CNTNAP2: variants seen among roughly 807,000 people sequenced by gnomAD.
The protein encoded by CNTNAP2 is contactin-associated protein-like 2.
In CNTNAP2, 98 loss-of-function variants were observed where a neutral mutation model predicts 155.2. The observed-to-expected ratio is 0.63, with a 90% CI of 0.54 to 0.75. The LOEUF is 0.75. Among genes scored for constraint, CNTNAP2 ranks in the 30% least tolerant of loss-of-function variants. CNTNAP2 has a pLI of 0.00. For missense variants in CNTNAP2, 1,727 were observed against 1,688.1 expected (o/e 1.02, Z -0.40); for synonymous variants, 651 against 631.2 (o/e 1.03, Z -0.47).
intron 1 of CNTNAP2, among the ~76,000 whole-genome samples, chr7:146,650,545 G>T (rs1205971547): frequency 6.6e-6 from 1 of 152,028 alleles, no homozygotes; most frequent in South Asian, 2.1e-4. Flanking sequence ...GCCTGTTGCG[G>T]GGTGGGGGGC....
At chr7:147,598,603 A>T (rs1433440619) in intron 12 of CNTNAP2, among the ~76,000 whole-genome samples, 3 of 152,086 alleles carry the variant, frequency 2.0e-5, no homozygotes, top group African/African-American at 7.2e-5. Flanking sequence ...AATGTCTGAG[A>T]TTATGATTAT....
chr7:146,613,920 G>A (rs1799182183), intron 1 of CNTNAP2, among the ~76,000 whole-genome samples: 1 of 152,080 alleles, frequency 6.6e-6, no homozygotes, highest in Non-Finnish European at 1.5e-5. Flanking sequence ...ATATATCCTT[G>A]AAATATTTAG....
At chr7:147,362,849 G>T (rs1796167852) in intron 9 of CNTNAP2, among the ~76,000 whole-genome samples, 1 of 151,884 alleles carries the variant, frequency 6.6e-6, no homozygotes, top group South Asian at 2.1e-4. Context: ...TTTCCCTAAG[G>T]CCCTATAAAT....
At chr7:148,027,000 C>T (rs1802387995) in intron 15 of CNTNAP2, among the ~76,000 whole-genome samples, 1 of 152,168 alleles carries the variant, frequency 6.6e-6, no homozygotes, top group Admixed American at 6.5e-5. Flanking sequence ...CACATACTAA[C>T]AGAGGCTTTG....
intron 13 of CNTNAP2, among the ~76,000 whole-genome samples, chr7:147,851,766 G>C (rs187386660): frequency 4.1e-4 from 53 of 128,986 alleles, no homozygotes; most frequent in Middle Eastern, 4.7e-3. Flanking sequence ...GTCGTGGGGT[G>C]GGGGGAGGGG....
intron 10 of CNTNAP2, among the ~76,000 whole-genome samples, chr7:147,418,300 A>G (rs924066497): frequency 6.6e-6 from 1 of 152,196 alleles, no homozygotes; most frequent in Non-Finnish European, 1.5e-5. Flanking sequence ...CTGGTGTGTG[A>G]GCCCTTAATG....
At chr7:147,067,829 G>T (rs763331317) in intron 4 of CNTNAP2, among the ~76,000 whole-genome samples, 1 of 152,136 alleles carries the variant, frequency 6.6e-6, no homozygotes, top group Non-Finnish European at 1.5e-5. Flanking sequence ...CTCTCGATTC[G>T]CATTCGGTTG....
intron 1 of CNTNAP2, among the ~76,000 whole-genome samples, chr7:146,476,199 A>T (rs1796875031): frequency 6.6e-6 from 1 of 152,212 alleles, no homozygotes; most frequent in Non-Finnish European, 1.5e-5. Context: ...GTACAAATGT[A>T]AATTTTTTCT....
chr7:146,365,859 A>C (rs1003989963), intron 1 of CNTNAP2, among the ~76,000 whole-genome samples: 4 of 152,222 alleles, frequency 2.6e-5, no homozygotes, highest in African/African-American at 9.6e-5. Flanking sequence ...CTGGAAGTGA[A>C]AATGAGAGTA....
chr7:147,215,870 G>A (rs546390538), intron 8 of CNTNAP2, among the ~76,000 whole-genome samples: 1 of 152,000 alleles, frequency 6.6e-6, no homozygotes, highest in South Asian at 2.1e-4. Context: ...AAAGTGTTCT[G>A]GATTTTGGCC....
At position 147,093,858 on chromosome 7, in the gene CNTNAP2, G is replaced by A. The variant is rs141102943; in HGVS notation, c.551-14289G>A. On this transcript the variant is annotated intron_variant, in intron 4 of 23. Coordinates refer to ENST00000361727, the MANE Select transcript of CNTNAP2 (RefSeq NM_014141.6). The stretch of plus-strand genomic sequence containing the variant: ...AAGTTGTGTACTTCGAAAATACAAT[G>A]TGGGACACACATAGAATAGACATTA... Among the ~76,000 whole-genome samples, 5 of 152,194 alleles carry A rather than the reference G, an allele frequency of 3.3e-5. No individual in the cohort carries two copies. The East Asian group carries it at 9.6e-4, about 29-fold the overall frequency.
intron 14 of CNTNAP2, among the ~76,000 whole-genome samples, chr7:147,906,742 G>A (rs1799964424): frequency 1.3e-5 from 2 of 152,296 alleles, no homozygotes; most frequent in South Asian, 4.1e-4. Context: ...TTATAGGCGT[G>A]AGCCACGGCG....
intron 8 of CNTNAP2, among the ~76,000 whole-genome samples, chr7:147,233,325 T>C (rs1200211086): frequency 6.6e-6 from 1 of 152,214 alleles, no homozygotes; most frequent in Non-Finnish European, 1.5e-5. Context: ...GCGCAGCTGC[T>C]GCTTCTGCCA....
intron 4 of CNTNAP2, among the ~76,000 whole-genome samples, chr7:147,053,991 A>C (rs1251308449): frequency 6.6e-6 from 1 of 152,186 alleles, no homozygotes; most frequent in Non-Finnish European, 1.5e-5. Flanking sequence ...CCACAGAGTT[A>C]TGCGACTTGC....
At chr7:147,268,229 C>T (rs1804659877) in intron 8 of CNTNAP2, among the ~76,000 whole-genome samples, 1 of 152,142 alleles carries the variant, frequency 6.6e-6, no homozygotes, top group Non-Finnish European at 1.5e-5. Flanking sequence ...TGTACATCCT[C>T]TTTTTTGACA....
At chr7:146,835,866 G>A (rs1803606494) in intron 2 of CNTNAP2, among the ~76,000 whole-genome samples, 1 of 152,168 alleles carries the variant, frequency 6.6e-6, no homozygotes, top group Non-Finnish European at 1.5e-5. Context: ...ACCAATCCCT[G>A]CAGGGAGCTC....
intron 1 of CNTNAP2, among the ~76,000 whole-genome samples, chr7:146,401,247 G>A (rs937313945): frequency 6.6e-6 from 1 of 152,074 alleles, no homozygotes; most frequent in Non-Finnish European, 1.5e-5. Context: ...GCTGAGGATT[G>A]TATTTATTTC....
rs573193836 is a variant in CNTNAP2, at chr7:147,994,047, T to A, written c.2383+16058T>A. 3.3e-5 allele frequency among the ~76,000 whole-genome samples: 5 copies of A among 152,232 alleles called. No homozygotes were observed. The South Asian group carries it at 8.3e-4, about 25-fold the overall frequency. On this transcript the variant is annotated intron_variant, in intron 15 of 23. Transcript: ENST00000361727. ...ACACACACACACATGCAGATATACT[T>A]ACGTATGCACACATGCAGGTATGCT...
intron 15 of CNTNAP2, among the ~76,000 whole-genome samples, chr7:148,100,671 G>A (rs1015195852): frequency 6.6e-6 from 1 of 152,174 alleles, no homozygotes; most frequent in African/African-American, 2.4e-5. Context: ...GCCACATTAT[G>A]TCACATTTTT....
Sources: allele counts gnomAD v4.1 joint callset (sites outside exome capture counted in the v4.1 genomes callset), GRCh38; gene constraint gnomAD v4.1.1; transcripts MANE v1.5; gene names NCBI Gene and HGNC (gene_info 2026-07-23, HGNC 2026-07-21).